Variants in KLK11 observed in about 807,000 individuals in gnomAD.
KLK11 encodes kallikrein related peptidase 11, also known as kallikrein-11.
KLK11 carries 10 observed loss-of-function variants against 23.4 expected under a neutral mutation model. The observed-to-expected ratio is 0.43, with a 90% CI of 0.26 to 0.73. The LOEUF is 0.73. Ranked by LOEUF, KLK11 falls within the 30% of genes least tolerant of loss-of-function variation. KLK11 has a pLI of 0.22. For missense variants in KLK11, 285 were observed against 327.8 expected (o/e 0.87, Z 1.01); for synonymous variants, 131 against 131.7 (o/e 0.99, Z 0.03).
upstream of KLK11, chr19:51,027,385 C>T (rs2091502027): frequency 1.3e-6 from 2 of 1,503,562 alleles, no homozygotes; most frequent in South Asian, 1.1e-5. Context: ...TGGGGCCTCG[C>T]TCCTCTGCTG....
Position 51,025,989 on chromosome 19 carries a change from C to T in KLK11, c.-35-323G>A, listed in dbSNP as rs74882927. ...GTTCAAGTCAGCCATGGGACCTCCCCGGCACATGTCAGAGGATGTTTTCCT... is the reference window on the plus strand; with the variant it reads ...GTTCAAGTCAGCCATGGGACCTCCCTGGCACATGTCAGAGGATGTTTTCCT... On this transcript the variant is annotated intron_variant, in intron 1 of 5. Transcript: ENST00000453757. The surrounding 1 kb of genome is among the most constrained non-coding windows in gnomAD (Gnocchi z 6.2). Among the ~76,000 whole-genome samples the T allele has an allele frequency of 2.6e-5, 4 of 152,134 alleles. No homozygotes were observed. The highest frequency in any genetic ancestry group is 4.1e-4 in the South Asian group (2 of 4,832).
Position 51,025,475 on chromosome 19 carries a change from G to A in KLK11, c.40+117C>T, listed in dbSNP as rs1376134999. ...TCATGACCACTGCTCCAGTTCAGGT[G>A]CCTTATGGGTTGTTCTGTAATTTGG... On this transcript the variant is annotated intron_variant, in intron 2 of 5. Coordinates refer to ENST00000453757, the MANE Select transcript of KLK11 (RefSeq NM_001136032.3). The surrounding 1 kb of genome is among the most constrained non-coding windows in gnomAD (Gnocchi z 6.2). 7 of 586,926 alleles carry A rather than the reference G, an allele frequency of 1.2e-5. No homozygotes were observed. The highest frequency in any genetic ancestry group is 7.7e-5 in the Admixed American group (2 of 26,120). 36.4% of individuals were successfully genotyped at this position (586,926 alleles called of 1,614,324 possible). A position where few individuals can be genotyped will look rare whatever the true frequency, so the allele number is the denominator to read the frequency against.
In KLK11 at chr19:51,025,108, A is replaced by G. The variant is rs2091462513; in HGVS notation, c.41-314T>C. On this transcript the variant is annotated intron_variant, in intron 2 of 5. Transcript: ENST00000453757. This position sits in a 1 kb window ranked among gnomAD's most constrained non-coding sequence, Gnocchi z 6.2. ...ACCTCCTCCCCCATCTCTACAAACA[A>G]TTAAACAATTAGCCTGGCTTGGTGG... Among the ~76,000 whole-genome samples the G allele has an allele frequency of 1.3e-5, 2 of 151,942 alleles. 1 individual carries two copies. Among genetic ancestry groups the G allele is most frequent in the South Asian group, 4.2e-4 (2 of 4,796 alleles).
chr19:51,026,120 C>T (rs962165394), intron 1 of KLK11, among the ~76,000 whole-genome samples: 21 of 152,080 alleles, frequency 1.4e-4, no homozygotes, highest in African/African-American at 4.3e-4. Context: ...CGCAGCAGAG[C>T]GATATGGAGC....
In KLK11 at chr19:51,025,117, T is replaced by C. The variant is rs2091462622; in HGVS notation, c.41-323A>G. 1.3e-5 allele frequency among the ~76,000 whole-genome samples: 2 copies of C among 151,996 alleles called. No individual in the cohort carries two copies. Among genetic ancestry groups the C allele is most frequent in the Admixed American group, 1.3e-4 (2 of 15,266 alleles). On this transcript the variant is annotated intron_variant, in intron 2 of 5. Coordinates refer to ENST00000453757, the MANE Select transcript of KLK11 (RefSeq NM_001136032.3). The surrounding 1 kb of genome is among the most constrained non-coding windows in gnomAD (Gnocchi z 6.2). ...CCCATCTCTACAAACAATTAAACAATTAGCCTGGCTTGGTGGCAGGTGCCT... is the reference window on the plus strand; with the variant it reads ...CCCATCTCTACAAACAATTAAACAACTAGCCTGGCTTGGTGGCAGGTGCCT...
chr19:51,024,164 T>C lies in KLK11; in HGVS notation c.344A>G (p.Lys115Arg). The C allele has an allele frequency of 6.2e-7, 1 of 1,613,846 alleles. No individual in the cohort carries two copies. Reference protein sequence around the residue: ...KDHRNDIMLVKMASPVSITWA... With the variant: ...KDHRNDIMLVRMASPVSITWA... Reference sequence around the variant, plus strand: ...GGTGATGGAGACTGGCGATGCCATCTTCACCAGCATGATGTCATTGCGGTG... The same window carrying C: ...GGTGATGGAGACTGGCGATGCCATCCTCACCAGCATGATGTCATTGCGGTG... Residue 115 changes from lysine (K) to arginine (R), a missense_variant, in exon 4 of 6, where the codon AAG becomes AGG. Lys to Arg is a conservative substitution (Grantham distance 26). Coordinates refer to ENST00000453757, the MANE Select transcript of KLK11 (RefSeq NM_001136032.3). This position sits in a 1 kb window ranked among gnomAD's most constrained non-coding sequence, Gnocchi z 6.2.
chr19:51,024,441 C>T lies in KLK11; in HGVS notation c.198-131G>A. The T allele has an allele frequency of 3.5e-6, 5 of 1,440,428 alleles. No individual in the cohort carries two copies. Among genetic ancestry groups the T allele is most frequent in the African/African-American group, 1.4e-5 (1 of 71,412 alleles). 89.2% of individuals were successfully genotyped at this position (1,440,428 alleles called of 1,614,324 possible). On this transcript the variant is annotated intron_variant, in intron 3 of 5. Coordinates refer to ENST00000453757, the MANE Select transcript of KLK11 (RefSeq NM_001136032.3). The surrounding 1 kb of genome is among the most constrained non-coding windows in gnomAD (Gnocchi z 6.2). ...CCTCTTCCACGTCTCCCACCGAAGC[C>T]CCCTTCCCAGCCATAGCCCCATCCC...
Position 51,022,616 on chromosome 19 carries a change from G to A in KLK11, c.682C>T (p.Arg228Ter), listed in dbSNP as rs1201197125. 4 of 1,613,770 alleles carry A rather than the reference G, an allele frequency of 2.5e-6. No individual in the cohort carries two copies. The highest frequency in any genetic ancestry group is 1.7e-4 in the Middle Eastern group (1 of 5,896). ...SWGQDPCAITRKPGVYTKVCK... is the reference protein window; with the variant it reads ...SWGQDPCAIT ...ACTTTCGTGTAGACACCAGGCTTTC[G>A]GGTGATCGCACACGGATCCTGGCCC... The change falls in exon 6 of 6, where the codon CGA becomes TGA. Residue 228 changes from arginine (R) to a stop codon, truncating the protein, a stop_gained. Coordinates refer to ENST00000453757, the MANE Select transcript of KLK11 (RefSeq NM_001136032.3). LOFTEE classifies it high-confidence loss of function.
At chr19:51,023,021 T>C in intron 5 of KLK11, 71 bp downstream of exon 5, 4 of 1,506,862 alleles carry the variant, frequency 2.7e-6, no homozygotes, top group South Asian at 2.4e-5. Flanking sequence ...GGGGATGAAA[T>C]TGTGGATGTC....
Position 51,024,593 on chromosome 19 carries a change from A to C in KLK11, c.197+45T>G. 1 of 1,451,648 alleles carries C rather than the reference A, an allele frequency of 6.9e-7. No individual in the cohort carries two copies. The highest frequency in any genetic ancestry group is 9.1e-7 in the Non-Finnish European group (1 of 1,098,422). 89.9% of individuals were successfully genotyped at this position (1,451,648 alleles called of 1,614,324 possible). ...TGAGCTTCTCTCCATCCATCTCCCC[A>C]TTCCCAGCCCCCCACCCCGGCACCG... On this transcript the variant is annotated intron_variant, in intron 3 of 5. Transcript: ENST00000453757. This position sits in a 1 kb window ranked among gnomAD's most constrained non-coding sequence, Gnocchi z 6.2.
In KLK11 at chr19:51,024,863, A is replaced by C; in HGVS notation, c.41-69T>G. 4.3e-6 allele frequency: 6 copies of C among 1,401,310 alleles called. No homozygotes were observed. The highest frequency in any genetic ancestry group is 5.7e-6 in the Non-Finnish European group (6 of 1,056,612). 86.8% of individuals were successfully genotyped at this position (1,401,310 alleles called of 1,614,324 possible). ...TGGTAGACCAGGAGGACTCCCAGAAATGGGGGTGGGGAGGAGAGAAAGAGA... is the reference window on the plus strand; with the variant it reads ...TGGTAGACCAGGAGGACTCCCAGAACTGGGGGTGGGGAGGAGAGAAAGAGA... On this transcript the variant is annotated intron_variant, in intron 2 of 5. Transcript: ENST00000453757. This position sits in a 1 kb window ranked among gnomAD's most constrained non-coding sequence, Gnocchi z 6.2.
chr19:51,024,297 G>T lies in KLK11; in HGVS notation c.211C>A (p.His71Asn). Residue 71 changes from histidine to asparagine, a missense_variant, in exon 4 of 6, where the codon CAC becomes AAC. Transcript: ENST00000453757. The surrounding 1 kb of genome is among the most constrained non-coding windows in gnomAD (Gnocchi z 6.2). ...TTCTGGAGGTTGTGCTGCCCCAGGTGAACTATGTAGCGGCTGAGGTGGGAG... is the reference window on the plus strand; with the variant it reads ...TTCTGGAGGTTGTGCTGCCCCAGGTTAACTATGTAGCGGCTGAGGTGGGAG... ...AHCLKPRYIV[H>N]LGQHNLQKEE... 6.2e-7 allele frequency: 1 copy of T among 1,613,896 alleles called. No individual in the cohort carries two copies. The highest frequency in any genetic ancestry group is 8.5e-7 in the Non-Finnish European group (1 of 1,179,938).
At chr19:51,023,331 C>T (rs1600150073) in intron 4 of KLK11, 103 bp from the exon 5 acceptor site, 27 of 1,410,762 alleles carry the variant, frequency 1.9e-5, no homozygotes, top group South Asian at 1.4e-4. Flanking sequence ...TGTCCTTAGA[C>T]GCAGCCAACT....
chr19:51,027,482 T>G (rs772781656), upstream of KLK11: 1 of 1,613,996 alleles, frequency 6.2e-7, no homozygotes, highest in South Asian at 1.1e-5. Flanking sequence ...CTCTGCCCGA[T>G]GACTTCCAGT....
Position 51,024,595 on chromosome 19 carries a change from T to TG in KLK11, c.197+42_197+43insC. The TG allele has an allele frequency of 6.9e-7, 1 of 1,457,596 alleles. No homozygotes were observed. Among genetic ancestry groups the TG allele is most frequent in the Non-Finnish European group, 9.1e-7 (1 of 1,100,904 alleles). The allele number at this position is 1,457,596 out of a possible 1,614,324, so 90.3% of individuals were successfully genotyped here. ...AGCTTCTCTCCATCCATCTCCCCAT[T>TG]CCCAGCCCCCCACCCCGGCACCGCC... On this transcript the variant is annotated intron_variant, in intron 3 of 5. Coordinates refer to ENST00000453757, the MANE Select transcript of KLK11 (RefSeq NM_001136032.3). The surrounding 1 kb of genome is among the most constrained non-coding windows in gnomAD (Gnocchi z 6.2).
rs541307445 is a variant in KLK11, at chr19:51,024,784, C to T, written c.51G>A (p.Gly17=). 23 of 1,584,028 alleles carry T rather than the reference C, an allele frequency of 1.5e-5. No individual in the cohort carries two copies. In the East Asian group the frequency reaches 5.1e-4, roughly 35 times the overall value. ...ACCCCTTGATGATCCTGGTCTCTCC[C>T]CCTACAAGCCCTGGAGGGGGTGAGA... ...ILLALATGLV[G]GETRIIKGFE... The change falls in exon 3 of 6, where the codon GGG becomes GGA. Residue 17 remains glycine (G), a synonymous_variant. Transcript: ENST00000453757. This position sits in a 1 kb window ranked among gnomAD's most constrained non-coding sequence, Gnocchi z 6.2.
upstream of KLK11, chr19:51,027,571 AG>A (rs2091505710): frequency 5.6e-6 from 9 of 1,607,990 alleles, no homozygotes; most frequent in Non-Finnish European, 7.7e-6. Context: ...GTTTTCAGTT[AG>A]GTCCCTTCCC....
rs551826918 is a variant in KLK11 at position 51,024,605 on chromosome 19, C to G, written c.197+33G>C. 7 of 1,476,240 alleles carry G rather than the reference C, an allele frequency of 4.7e-6. No individual in the cohort carries two copies. Among genetic ancestry groups the G allele is most frequent in the Non-Finnish European group, 5.4e-6 (6 of 1,112,264 alleles). 91.4% of individuals were successfully genotyped at this position (1,476,240 alleles called of 1,614,324 possible). ...CATCCATCTCCCCATTCCCAGCCCC[C>G]CACCCCGGCACCGCCCCAGCCCCCG... On this transcript the variant is annotated intron_variant, in intron 3 of 5. Transcript: ENST00000453757. The surrounding 1 kb of genome is among the most constrained non-coding windows in gnomAD (Gnocchi z 6.2).
rs1316634316 is a variant in KLK11, at chr19:51,024,736, C to G, written c.99G>C (p.Gln33His). The G allele has an allele frequency of 1.2e-6, 2 of 1,603,772 alleles. No homozygotes were observed. The highest frequency in any genetic ancestry group is 3.5e-5 in the Admixed American group (2 of 56,756). The change falls in exon 3 of 6, where the codon CAG (glutamine) becomes CAC (histidine). Residue 33 changes from glutamine (Q) to histidine (H), a missense_variant. Physicochemically the swap from Gln to His is conservative, Grantham distance 24. Coordinates refer to ENST00000453757, the MANE Select transcript of KLK11 (RefSeq NM_001136032.3). This position sits in a 1 kb window ranked among gnomAD's most constrained non-coding sequence, Gnocchi z 6.2. Reference protein sequence around the residue: ...IKGFECKPHSQPWQAALFEKT... With the variant: ...IKGFECKPHSHPWQAALFEKT... Reference sequence around the variant, plus strand: ...TCTCGAACAGGGCTGCCTGCCAGGGCTGGGAGTGAGGCTTGCACTCGAACC... The same window carrying G: ...TCTCGAACAGGGCTGCCTGCCAGGGGTGGGAGTGAGGCTTGCACTCGAACC...
Sources: gnomAD v4.1 joint callset for allele counts (sites outside exome capture counted in the v4.1 genomes callset) on GRCh38, gnomAD v4.1.1 for gene constraint, Gnocchi (gnomAD v3.1) non-coding constraint, MANE v1.5 for transcripts, NCBI Gene and HGNC (gene_info 2026-07-23, HGNC 2026-07-21) for gene names.